PUM1: variants seen among roughly 807,000 people sequenced by gnomAD.
PUM1 encodes the protein pumilio homolog 1.
In PUM1, 13 loss-of-function variants were observed where a neutral mutation model predicts 131.8. The observed-to-expected ratio is 0.10, with a 90% CI of 0.06 to 0.16. The LOEUF (loss-of-function observed/expected upper bound fraction) is 0.16, where lower values mean the gene tolerates loss of function less well. PUM1 is among the 10% of genes least tolerant of loss of function. The pLI, the probability that PUM1 is intolerant of heterozygous loss-of-function variation, is 1.00. For synonymous variants in PUM1, 509 were observed against 556.5 expected (o/e 0.91, Z 1.20); for missense variants, 961 against 1,512.4 (o/e 0.64, Z 6.05).
intron 2 of PUM1, among the ~76,000 whole-genome samples, chr1:31,043,350 C>A (rs1010367465): frequency 6.6e-6 from 1 of 151,724 alleles, no homozygotes; most frequent in Admixed American, 6.6e-5. Context: ...TTATAGGCAC[C>A]CCCCCATCAT....
intron 15 of PUM1, among the ~76,000 whole-genome samples, chr1:30,953,201 T>A (rs1398630801): frequency 6.6e-6 from 1 of 152,116 alleles, no homozygotes; most frequent in African/African-American, 2.4e-5. Flanking sequence ...ACTGTTTCAC[T>A]GGACACAGTA....
At chr1:30,974,530 T>A in intron 10 of PUM1, 121 bp downstream of exon 10, 1 of 981,660 alleles carries the variant, frequency 1.0e-6, no homozygotes, top group Non-Finnish European at 1.5e-6. Flanking sequence ...GACACACATA[T>A]ATACACACAA....
At chr1:31,007,213 G>A (rs1642425369) in intron 3 of PUM1, 111 bp from the exon 4 acceptor site, 6 of 745,226 alleles carry the variant, frequency 8.1e-6, no homozygotes, top group Non-Finnish European at 1.4e-5. Context: ...TGCCCTGAAG[G>A]TCTTTAATTA....
intron 10 of PUM1, among the ~76,000 whole-genome samples, chr1:30,969,913 T>G (rs1159232768): frequency 6.6e-6 from 1 of 152,224 alleles, no homozygotes; most frequent in Non-Finnish European, 1.5e-5. Context: ...TCCACCTGCC[T>G]TGGCCTGCCA....
rs1331490321 is a variant in PUM1, at chr1:30,945,460, A to G, written c.2880T>C (p.Asp960=). The G allele has an allele frequency of 1.9e-6, 3 of 1,614,094 alleles. No homozygotes were observed. In the African/African-American group the frequency reaches 4.0e-5, roughly 22 times the overall value. The stretch of plus-strand genomic sequence containing the variant: ...CTTTCACACACTTCAAGACATGGCC[A>G]TCTAGTTCCCGAACCATCTCATTCT... ...QVINEMVREL[D]GHVLKCVKDQ... The change falls in exon 18 of 22, where the codon GAT becomes GAC. Residue 960 remains aspartate, a synonymous_variant. Coordinates refer to ENST00000426105, the MANE Select transcript of PUM1 (RefSeq NM_001020658.2).
At chr1:31,023,823 A>T (rs1222545586) in intron 3 of PUM1, among the ~76,000 whole-genome samples, 1 of 151,146 alleles carries the variant, frequency 6.6e-6, no homozygotes, top group African/African-American at 2.4e-5. Flanking sequence ...CAGCCACTCA[A>T]GAGGCTGAAG....
intron 2 of PUM1, among the ~76,000 whole-genome samples, chr1:31,049,002 T>C (rs1644040574): frequency 6.6e-6 from 1 of 151,652 alleles, no homozygotes; most frequent in African/African-American, 2.4e-5. Context: ...GGTCAGGAGC[T>C]CAAGACCAGC....
chr1:31,036,219 G>A (rs542629199), intron 2 of PUM1, among the ~76,000 whole-genome samples: 1 of 152,162 alleles, frequency 6.6e-6, no homozygotes, highest in East Asian at 1.9e-4. Flanking sequence ...ACGAGTGCGT[G>A]CCACTGCACC....
At chr1:30,951,732 CA>C (rs1162028969) in intron 16 of PUM1, among the ~76,000 whole-genome samples, 11 of 152,176 alleles carry the variant, frequency 7.2e-5, no homozygotes, top group Admixed American at 7.2e-4. Flanking sequence ...TTCAAATTAA[CA>C]GAAGTAAAAC....
At chr1:30,971,202 A>C (rs2124449961) in intron 10 of PUM1, among the ~76,000 whole-genome samples, 1 of 152,348 alleles carries the variant, frequency 6.6e-6, no homozygotes, top group African/African-American at 2.4e-5. Flanking sequence ...CTTGACTAGA[A>C]CGCAACATAT....
intron 16 of PUM1, among the ~76,000 whole-genome samples, chr1:30,951,990 G>A (rs1639954088): frequency 6.6e-6 from 1 of 152,098 alleles, no homozygotes; most frequent in African/African-American, 2.4e-5. Flanking sequence ...GTCCTAAATG[G>A]GGACACCAGT....
At position 31,045,948 on chromosome 1, in the gene PUM1, G is replaced by A. The variant is rs189254913; in HGVS notation, c.363+13256C>T. Among the ~76,000 whole-genome samples, 12 of 152,276 alleles carry A rather than the reference G, an allele frequency of 7.9e-5. No individual in the cohort carries two copies. In the East Asian group the frequency reaches 2.1e-3, roughly 27 times the overall value. On this transcript the variant is annotated intron_variant, in intron 2 of 21. Coordinates refer to ENST00000426105, the MANE Select transcript of PUM1 (RefSeq NM_001020658.2). ...AATACAAAAATTAGCTGGACGTGGT[G>A]GTGCATGCTTGTAATCCCGGCTACT...
intron 7 of PUM1, among the ~76,000 whole-genome samples, chr1:30,986,172 C>A (rs1169149500): frequency 6.6e-6 from 1 of 152,168 alleles, no homozygotes; most frequent in Non-Finnish European, 1.5e-5. Flanking sequence ...CCAGGCTGAT[C>A]TCAAACTCCT....
At chr1:30,946,636 C>CA (rs34267371) in intron 17 of PUM1, among the ~76,000 whole-genome samples, 35,860 of 122,120 alleles carry the variant, frequency 0.29, 7,134 homozygotes, top group African/African-American at 0.56. Context: ...GACTCTGTCT[C>CA]AAAAAAAAAA....
At chr1:31,060,517 TAACTA>T (rs1182322356) in intron 1 of PUM1, among the ~76,000 whole-genome samples, 1 of 152,214 alleles carries the variant, frequency 6.6e-6, no homozygotes, top group Admixed American at 6.5e-5. Flanking sequence ...CATATGCTAA[TAACTA>T]AACAAAAGCC....
chr1:31,014,590 C>T (rs1488573702), intron 3 of PUM1, among the ~76,000 whole-genome samples: 1 of 151,872 alleles, frequency 6.6e-6, no homozygotes, highest in African/African-American at 2.4e-5. Flanking sequence ...GAGTTCAAGA[C>T]CAGCCTGGAC....
intron 7 of PUM1, among the ~76,000 whole-genome samples, chr1:30,981,646 T>C (rs1227128738): frequency 6.6e-6 from 1 of 151,556 alleles, no homozygotes; most frequent in East Asian, 1.9e-4. Context: ...GCTTCACAGA[T>C]TATATGTCCC....
rs1355898686 is a variant in PUM1 at position 31,000,033 on chromosome 1, T to C, written c.721-4813A>G. On this transcript the variant is annotated intron_variant, in intron 5 of 21. Transcript: ENST00000426105. ...CAATCTTTTTAAATTCACAGGTGGC[T>C]GGGCCCACCCTCTGCACCAGAGATT... Among the ~76,000 whole-genome samples, 5 of 152,244 alleles carry C rather than the reference T, an allele frequency of 3.3e-5. No individual in the cohort carries two copies. In the East Asian group the frequency reaches 9.6e-4, roughly 29 times the overall value.
chr1:31,053,467 T>C (rs1290186712), intron 2 of PUM1, among the ~76,000 whole-genome samples: 2 of 148,706 alleles, frequency 1.3e-5, no homozygotes, highest in African/African-American at 4.9e-5. Flanking sequence ...TCCCAGCACT[T>C]TGGGAGGCCT....
Sources: gnomAD v4.1 joint callset for allele counts (sites outside exome capture counted in the v4.1 genomes callset) on GRCh38, gnomAD v4.1.1 for gene constraint, MANE v1.5 for transcripts, NCBI Gene and HGNC (gene_info 2026-07-23, HGNC 2026-07-21) for gene names.